Variants in ACOX2 observed in about 807,000 individuals in gnomAD.
ACOX2 encodes the protein acyl-CoA oxidase 2.
ACOX2 carries 59 observed loss-of-function variants against 77.5 expected under a neutral mutation model. The ratio of observed to expected loss-of-function variants is 0.76; its 90% CI spans 0.62 to 0.95. ACOX2 has a LOEUF of 0.95. ACOX2 is among the 40% of genes least tolerant of loss of function. The probability of loss-of-function intolerance (pLI) is 0.00; values close to 1 mark genes in which losing one functional copy is unlikely to be tolerated. For missense variants in ACOX2, 837 were observed against 880.4 expected (o/e 0.95, Z 0.62); for synonymous variants, 317 against 340.1 (o/e 0.93, Z 0.75).
Position 58,535,122 on chromosome 3 carries a change from T to G in ACOX2, c.-16A>C, listed in dbSNP as rs1333373602. The G allele has an allele frequency of 6.2e-7, 1 of 1,614,052 alleles. No homozygotes were observed. Among genetic ancestry groups the G allele is most frequent in the African/African-American group, 1.3e-5 (1 of 74,930 alleles). On this transcript the variant is annotated 5_prime_UTR_variant, in exon 2 of 15. Coordinates refer to ENST00000302819, the MANE Select transcript of ACOX2 (RefSeq NM_003500.4). The surrounding 1 kb of genome is among the most constrained non-coding windows in gnomAD (Gnocchi z 4.8). Reference sequence around the variant, plus strand: ...GGCTGCCCATCCTATCCTGGATCTGTCTGGTGACTATGGAGAGACACTTCC... The same window carrying G: ...GGCTGCCCATCCTATCCTGGATCTGGCTGGTGACTATGGAGAGACACTTCC...
chr3:58,534,175 G>A lies in ACOX2; in HGVS notation c.324-30C>T, dbSNP rs2063462018. On this transcript the variant is annotated intron_variant, in intron 3 of 14. Coordinates refer to ENST00000302819, the MANE Select transcript of ACOX2 (RefSeq NM_003500.4). The surrounding 1 kb of genome is among the most constrained non-coding windows in gnomAD (Gnocchi z 4.8). ...TGGGGAGAGATGCTGTAGTTGAGTAGCTTATTGGAGACAGGGGCCCAGGTA... is the reference window on the plus strand; with the variant it reads ...TGGGGAGAGATGCTGTAGTTGAGTAACTTATTGGAGACAGGGGCCCAGGTA... 1 of 1,612,228 alleles carries A rather than the reference G, an allele frequency of 6.2e-7. No homozygotes were observed. Among genetic ancestry groups the A allele is most frequent in the South Asian group, 1.1e-5 (1 of 90,952 alleles).
rs111669890 is a variant in ACOX2, at chr3:58,530,439, G to A, written c.992+27C>T. The A allele has an allele frequency of 1.3e-3, 2,103 of 1,608,946 alleles. 24 individuals are homozygous for A. In the African/African-American group the frequency reaches 0.022, roughly 17 times the overall value. ...TGGGACCAAGAGGCAGCATATCTGC[G>A]GTAGTCAGTCACTGGGCACCCCTTG... is the stretch of plus-strand genomic sequence containing the variant. On this transcript the variant is annotated intron_variant, in intron 8 of 14. Transcript: ENST00000302819.
Position 58,534,861 on chromosome 3 carries a change from G to C in ACOX2, c.160+86C>G. ...ATTTCAAGGGCAAAGTTTGTTATTT[G>C]GAAGCAGAACTGCTAATGAAGGACT... On this transcript the variant is annotated intron_variant, in intron 2 of 14. Coordinates refer to ENST00000302819, the MANE Select transcript of ACOX2 (RefSeq NM_003500.4). This position sits in a 1 kb window ranked among gnomAD's most constrained non-coding sequence, Gnocchi z 4.8. 6.3e-7 allele frequency: 1 copy of C among 1,575,648 alleles called. No individual in the cohort carries two copies. Among genetic ancestry groups the C allele is most frequent in the Non-Finnish European group, 8.7e-7 (1 of 1,152,964 alleles).
In ACOX2 at chr3:58,526,797, G is replaced by T. The variant is rs2063399108; in HGVS notation, c.1156-141C>A. 4 of 885,668 alleles carry T rather than the reference G, an allele frequency of 4.5e-6. No individual in the cohort carries two copies. The highest frequency in any genetic ancestry group is 6.7e-6 in the Non-Finnish European group (4 of 593,698). 54.9% of individuals were successfully genotyped at this position (885,668 alleles called of 1,614,324 possible). On this transcript the variant is annotated intron_variant, in intron 9 of 14. Transcript: ENST00000302819. The surrounding 1 kb of genome is among the most constrained non-coding windows in gnomAD (Gnocchi z 4.3). Reference sequence around the variant, plus strand: ...GTGTTTCCTCTGCTCACAACTTTATGAATGAGAAGGCGGGTACTCAGCTTA... The same window carrying T: ...GTGTTTCCTCTGCTCACAACTTTATTAATGAGAAGGCGGGTACTCAGCTTA...
rs2063277039 is a variant in ACOX2, at chr3:58,510,687, TATATATATATATATATATATATACAC to T, written c.1851-1688_1851-1663del. 8.4e-4 allele frequency among the ~76,000 whole-genome samples: 11 copies of T among 13,092 alleles called. 3 individuals carry two copies. Among genetic ancestry groups the T allele is most frequent in the African/African-American group, 1.6e-3 (8 of 5,010 alleles). The allele number at this position is 13,092 out of a possible 152,430, so 8.6% of individuals were successfully genotyped here. ...AAATATATATATATATATATATATA[TATATATATATATATATATATATACAC>T]ACACACACACACACACACACACACA... On this transcript the variant is annotated intron_variant, in intron 13 of 14. Coordinates refer to ENST00000302819, the MANE Select transcript of ACOX2 (RefSeq NM_003500.4).
Position 58,535,199 on chromosome 3 carries a change from T to A in ACOX2, c.-91-2A>T. On this transcript the variant is annotated splice_acceptor_variant, in intron 1 of 14. Coordinates refer to ENST00000302819, the MANE Select transcript of ACOX2 (RefSeq NM_003500.4). LOFTEE classifies it low-confidence loss of function (5UTR_SPLICE). This position sits in a 1 kb window ranked among gnomAD's most constrained non-coding sequence, Gnocchi z 4.8. ...TCAGCATTGGTCAGTGCAAAGAACC[T>A]GTGTGCAAGAGGAACTGCCTAGGGC... The A allele has an allele frequency of 3.3e-6, 5 of 1,530,146 alleles. No individual in the cohort carries two copies. The allele number at this position is 1,530,146 out of a possible 1,614,324, so 94.8% of individuals were successfully genotyped here. A position where few individuals can be genotyped will look rare whatever the true frequency, so the allele number is the denominator to read the frequency against.
chr3:58,531,953 GCC>G lies in ACOX2; in HGVS notation c.584-143_584-142del. The G allele has an allele frequency of 7.6e-7, 1 of 1,310,154 alleles. No individual in the cohort carries two copies. Among genetic ancestry groups the G allele is most frequent in the Non-Finnish European group, 1.0e-6 (1 of 998,466 alleles). The allele number at this position is 1,310,154 out of a possible 1,614,324, so 81.2% of individuals were successfully genotyped here. A position where few individuals can be genotyped will look rare whatever the true frequency, so the allele number is the denominator to read the frequency against. On this transcript the variant is annotated intron_variant, in intron 5 of 14. Coordinates refer to ENST00000302819, the MANE Select transcript of ACOX2 (RefSeq NM_003500.4). The surrounding 1 kb of genome is among the most constrained non-coding windows in gnomAD (Gnocchi z 5.8). ...TCACTGATCAAAGAGAGAGGGGATTGCCCCCAAAGAACCAAGCAAACCTAGCA... is the reference window on the plus strand; with the variant it reads ...TCACTGATCAAAGAGAGAGGGGATTGCCCAAAGAACCAAGCAAACCTAGCA...
At position 58,528,658 on chromosome 3, in the gene ACOX2, C is replaced by T. The variant is rs1255928566; in HGVS notation, c.1155+136G>A. On this transcript the variant is annotated intron_variant, in intron 9 of 14. Coordinates refer to ENST00000302819, the MANE Select transcript of ACOX2 (RefSeq NM_003500.4). This position sits in a 1 kb window ranked among gnomAD's most constrained non-coding sequence, Gnocchi z 5.6. The stretch of plus-strand genomic sequence containing the variant: ...ACCAGGGTGCCGTTCACCCAGACGC[C>T]CTGGGATGCTGAAAGCTGGGAGAGG... 2 of 1,176,944 alleles carry T rather than the reference C, an allele frequency of 1.7e-6. No individual in the cohort carries two copies. Among genetic ancestry groups the T allele is most frequent in the African/African-American group, 3.1e-5 (2 of 64,562 alleles). The allele number at this position is 1,176,944 out of a possible 1,614,324, so 72.9% of individuals were successfully genotyped here. A position where few individuals can be genotyped will look rare whatever the true frequency, so the allele number is the denominator to read the frequency against.
rs2063452618 is a variant in ACOX2 at position 58,533,038 on chromosome 3, C to T, written c.583+407G>A. 6.6e-6 allele frequency among the ~76,000 whole-genome samples: 1 copy of T among 152,140 alleles called. No individual in the cohort carries two copies. The highest frequency in any genetic ancestry group is 2.4e-5 in the African/African-American group (1 of 41,426). The stretch of plus-strand genomic sequence containing the variant: ...GCAGGGGCAGGCAGGCGTATTCTTT[C>T]CACTGTGTCATCACAGGGCCTGTGC... On this transcript the variant is annotated intron_variant, in intron 5 of 14. Coordinates refer to ENST00000302819, the MANE Select transcript of ACOX2 (RefSeq NM_003500.4). This position sits in a 1 kb window ranked among gnomAD's most constrained non-coding sequence, Gnocchi z 5.6.
intron 13 of ACOX2, chr3:58,511,076 G>A: frequency 2.2e-6 from 1 of 456,524 alleles, no homozygotes; most frequent in Non-Finnish European, 4.4e-6. Context: ...GAAGCAGTAA[G>A]AGAATCTGTG....
rs1160630463 is a variant in ACOX2 at position 58,531,697 on chromosome 3, C to T, written c.699G>A (p.Leu233=). 1 of 1,613,848 alleles carries T rather than the reference C, an allele frequency of 6.2e-7. No individual in the cohort carries two copies. The highest frequency in any genetic ancestry group is 8.5e-7 in the Non-Finnish European group (1 of 1,179,872). ...GAGGGAGCATTATGGGCTTACCTGG[C>T]AGTGGGGTGTGGTCCTGAAGACTCC... ...PIRSLQDHTP[L]PGIIIGDIGP... Residue 233 remains leucine (L), a synonymous_variant, in exon 6 of 15, where the codon CTG becomes CTA. Coordinates refer to ENST00000302819, the MANE Select transcript of ACOX2 (RefSeq NM_003500.4). This position sits in a 1 kb window ranked among gnomAD's most constrained non-coding sequence, Gnocchi z 5.8.
chr3:58,533,548 T>A lies in ACOX2; in HGVS notation c.480A>T (p.Thr160=). The change falls in exon 5 of 15, where the codon ACA becomes ACT. Residue 160 remains threonine (T), a synonymous_variant. Coordinates refer to ENST00000302819, the MANE Select transcript of ACOX2 (RefSeq NM_003500.4). This position sits in a 1 kb window ranked among gnomAD's most constrained non-coding sequence, Gnocchi z 5.6. ...CTTCAGTCTCCAGGCCCTGAAGATA[T>A]GTCCCTTAGGATCAAGGAGAGGTGT... ...TYAQTELGHG[T]YLQGLETEAT... 1.2e-6 allele frequency: 2 copies of A among 1,613,948 alleles called. No individual in the cohort carries two copies. Among genetic ancestry groups the A allele is most frequent in the Middle Eastern group, 1.7e-4 (1 of 6,060 alleles).
chr3:58,530,328 G>A, intron 8 of ACOX2, 138 bp downstream of exon 8: 3 of 1,273,516 alleles, frequency 2.4e-6, no homozygotes, highest in Non-Finnish European at 2.2e-6. Flanking sequence ...TAGATTTTGT[G>A]TTTGTGTGTG....
chr3:58,533,572 G>T lies in ACOX2; in HGVS notation c.476-20C>A, dbSNP rs1216231578. 1.2e-6 allele frequency: 2 copies of T among 1,611,150 alleles called. No individual in the cohort carries two copies. The highest frequency in any genetic ancestry group is 1.7e-6 in the Non-Finnish European group (2 of 1,177,484). On this transcript the variant is annotated intron_variant, in intron 4 of 14. Coordinates refer to ENST00000302819, the MANE Select transcript of ACOX2 (RefSeq NM_003500.4). This position sits in a 1 kb window ranked among gnomAD's most constrained non-coding sequence, Gnocchi z 5.6. ...ATGTCCCTTAGGATCAAGGAGAGGT[G>T]TTAGACATTGGCCTGAGGTGGGGTT...
chr3:58,511,478 C>A, intron 13 of ACOX2: 1 of 220,826 alleles, frequency 4.5e-6, no homozygotes, highest in Non-Finnish European at 9.3e-6. Context: ...TGACAGCTGC[C>A]ATAGGCAAGA....
In ACOX2 at chr3:58,517,318, C is replaced by G. The variant is rs2063328212; in HGVS notation, c.1738G>C (p.Ala580Pro). Reference protein sequence around the residue: ...QVLKRLCDLHAIHGILTNSGD... With the variant: ...QVLKRLCDLHPIHGILTNSGD... Reference sequence around the variant, plus strand: ...GAGTTAGTCAAGATTCCATGTATGGCATGGAGGTCACAGAGGCGCTTGAGC... The same window carrying G: ...GAGTTAGTCAAGATTCCATGTATGGGATGGAGGTCACAGAGGCGCTTGAGC... The change falls in exon 13 of 15, where the codon GCC (alanine) becomes CCC (proline). Residue 580 changes from alanine (A) to proline (P), a missense_variant. Coordinates refer to ENST00000302819, the MANE Select transcript of ACOX2 (RefSeq NM_003500.4). 1.2e-6 allele frequency: 2 copies of G among 1,614,186 alleles called. No individual in the cohort carries two copies. The highest frequency in any genetic ancestry group is 8.5e-7 in the Non-Finnish European group (1 of 1,180,038).
intron 13 of ACOX2, among the ~76,000 whole-genome samples, chr3:58,509,524 T>G (rs1408031573): frequency 6.6e-6 from 1 of 150,752 alleles, no homozygotes; most frequent in Non-Finnish European, 1.5e-5. Flanking sequence ...GAGACTCCTG[T>G]CCCAAAATAA....
intron 1 of ACOX2, among the ~76,000 whole-genome samples, chr3:58,536,837 C>A (rs535087404): frequency 5.3e-5 from 8 of 152,330 alleles, no homozygotes; most frequent in South Asian, 4.1e-4. Context: ...TCCTTTTTCT[C>A]TTTTCACTTA....
chr3:58,522,397 A>T lies in ACOX2; in HGVS notation c.1632+99T>A. The T allele has an allele frequency of 8.7e-7, 1 of 1,152,028 alleles. No individual in the cohort carries two copies. Among genetic ancestry groups the T allele is most frequent in the Non-Finnish European group, 1.3e-6 (1 of 781,934 alleles). The allele number at this position is 1,152,028 out of a possible 1,614,324, so 71.4% of individuals were successfully genotyped here. On this transcript the variant is annotated intron_variant, in intron 12 of 14. Coordinates refer to ENST00000302819, the MANE Select transcript of ACOX2 (RefSeq NM_003500.4). This position sits in a 1 kb window ranked among gnomAD's most constrained non-coding sequence, Gnocchi z 4.3. The stretch of plus-strand genomic sequence containing the variant: ...AAATGAGGGCAGCCGCCACTGAAGC[A>T]GAGTTGGGGAATAATGGCAGAGCCC...
Sources: allele counts gnomAD v4.1 joint callset (sites outside exome capture counted in the v4.1 genomes callset), GRCh38; gene constraint gnomAD v4.1.1; non-coding constraint Gnocchi (gnomAD v3.1); transcripts MANE v1.5; gene names NCBI Gene and HGNC (gene_info 2026-07-23, HGNC 2026-07-21).